Variants in PLSCR4 observed in about 807,000 individuals in gnomAD.
PLSCR4 encodes phospholipid scramblase 4.
In PLSCR4, 25 loss-of-function variants were observed where a neutral mutation model predicts 36.3. The ratio of observed to expected loss-of-function variants is 0.69; its 90% CI spans 0.50 to 0.96. The LOEUF (loss-of-function observed/expected upper bound fraction) is 0.96. Ranked by LOEUF, PLSCR4 falls within the 40% of genes least tolerant of loss-of-function variation. The pLI, the probability that PLSCR4 is intolerant of heterozygous loss-of-function variation, is 0.00. For missense variants in PLSCR4, 408 were observed against 414.7 expected (o/e 0.98, Z 0.14); for synonymous variants, 122 against 132.9 (o/e 0.92, Z 0.56).
chr3:146,227,543 C>T (rs566783712), intron 1 of PLSCR4, among the ~76,000 whole-genome samples: 14 of 152,290 alleles, frequency 9.2e-5, no homozygotes, highest in Admixed American at 2.0e-4. Flanking sequence ...CTCTCAGAAC[C>T]TGATAAAACC....
chr3:146,251,092 C>G lies in PLSCR4; in HGVS notation c.-154G>C, dbSNP rs887220030. 4.6e-5 allele frequency: 7 copies of G among 152,468 alleles called. No individual in the cohort carries two copies. 9.4% of individuals were successfully genotyped at this position (152,468 alleles called of 1,614,324 possible). ...TTTTTCAAGTTATAAACAAAGTAAG[C>G]GCGCGGAAGGGAGGGCTAGGCGCGG... On this transcript the variant is annotated 5_prime_UTR_variant, in exon 1 of 9. Transcript: ENST00000354952.
At chr3:146,231,949 G>GT (rs35226315) in intron 1 of PLSCR4, among the ~76,000 whole-genome samples, 117,585 of 152,076 alleles carry the variant, frequency 0.77, 46,615 homozygotes, top group Non-Finnish European at 0.86. Context: ...ATCCAGAATG[G>GT]TATGTCCTAG....
In PLSCR4 at chr3:146,196,749, C is replaced by A. The variant is rs149561579; in HGVS notation, c.669G>T (p.Ala223=). The A allele has an allele frequency of 6.2e-7, 1 of 1,613,750 alleles. No individual in the cohort carries two copies. Among genetic ancestry groups the A allele is most frequent in the African/African-American group, 1.3e-5 (1 of 74,896 alleles). ...CCGCCCTGCACAGGTTCCAATGTTCCGCAACAAAGCCAATGGTGACACCAG... is the reference window on the plus strand; with the variant it reads ...CCGCCCTGCACAGGTTCCAATGTTCAGCAACAAAGCCAATGGTGACACCAG... ...CPPGVTIGFV[A]EHWNLCRAVY... The change falls in exon 7 of 9, where the codon GCG becomes GCT. Residue 223 remains alanine, a synonymous_variant. Coordinates refer to ENST00000354952, the MANE Select transcript of PLSCR4 (RefSeq NM_020353.3).
rs867585512 is a variant in PLSCR4, at chr3:146,215,359, T to C, written c.118+5456A>G. Among the ~76,000 whole-genome samples the C allele has an allele frequency of 1.9e-4, 29 of 152,108 alleles. No homozygotes were observed. In the Middle Eastern group the frequency reaches 0.01, roughly 54 times the overall value. On this transcript the variant is annotated intron_variant, in intron 3 of 8. Transcript: ENST00000354952. ...ATTCACTATGTGTTATATTAGATTA[T>C]CATCAAGAATATTTGAAAGCCAATG... is the stretch of plus-strand genomic sequence containing the variant.
chr3:146,211,018 T>C (rs574804398), intron 3 of PLSCR4, among the ~76,000 whole-genome samples: 3 of 152,018 alleles, frequency 2.0e-5, no homozygotes, highest in African/African-American at 7.2e-5. Flanking sequence ...TGGGCTATTA[T>C]AAATAACACT....
At chr3:146,244,583 G>A (rs10935616) in intron 1 of PLSCR4, among the ~76,000 whole-genome samples, 116,124 of 151,790 alleles carry the variant, frequency 0.77, 45,517 homozygotes, top group Non-Finnish European at 0.86. Context: ...TATTATAATT[G>A]TTTTGGGACC....
At position 146,194,137 on chromosome 3, in the gene PLSCR4, A is replaced by G; in HGVS notation, c.*274T>C. The G allele has an allele frequency of 3.0e-6, 1 of 336,424 alleles. No homozygotes were observed. The highest frequency in any genetic ancestry group is 5.4e-6 in the Non-Finnish European group (1 of 186,326). The allele number at this position is 336,424 out of a possible 1,614,324, so 20.8% of individuals were successfully genotyped here. On this transcript the variant is annotated 3_prime_UTR_variant, in exon 9 of 9. Transcript: ENST00000354952. ...ATTCATTTTCCCTTATCTCATGTTT[A>G]TAGTGTTTTAAGCTTACTTTGTATA... is the stretch of plus-strand genomic sequence containing the variant.
chr3:146,195,286 G>A lies in PLSCR4; in HGVS notation c.787-4C>T. On this transcript the variant is annotated splice_polypyrimidine_tract_variant and splice_region_variant and intron_variant, in intron 7 of 8. Coordinates refer to ENST00000354952, the MANE Select transcript of PLSCR4 (RefSeq NM_020353.3). ...ATATGCCATCAAGGGATTTGACCTG[G>A]AATGACAAGAATGTGCCTTTATGAT... The A allele has an allele frequency of 6.2e-7, 1 of 1,610,470 alleles. No individual in the cohort carries two copies. The highest frequency in any genetic ancestry group is 8.5e-7 in the Non-Finnish European group (1 of 1,176,944).
rs1156770593 is a variant in PLSCR4 at position 146,214,413 on chromosome 3, G to A, written c.118+6402C>T. On this transcript the variant is annotated intron_variant, in intron 3 of 8. Transcript: ENST00000354952. ...GCTGGGATTACAGGCGTGAGCCACC[G>A]CGCCCGGCCCTCTTCCTTTTTTTTT... Among the ~76,000 whole-genome samples the A allele has an allele frequency of 5.3e-4, 5 of 9,502 alleles. 1 individual carries two copies. The highest frequency in any genetic ancestry group is 3.7e-3 in the Admixed American group (4 of 1,072). The allele number at this position is 9,502 out of a possible 152,430, so 6.2% of individuals were successfully genotyped here.
intron 8 of PLSCR4, 89 bp from the exon 9 acceptor site, chr3:146,194,544 C>G (rs2033609491): frequency 9.0e-6 from 7 of 781,016 alleles, no homozygotes; most frequent in Admixed American, 6.3e-5. Context: ...TTAGGGGATT[C>G]CCCCATTCCA....
At position 146,194,319 on chromosome 3, in the gene PLSCR4, T is replaced by A. The variant is rs1465416981; in HGVS notation, c.*92A>T. The A allele has an allele frequency of 1.2e-6, 1 of 853,294 alleles. No individual in the cohort carries two copies. Among genetic ancestry groups the A allele is most frequent in the Non-Finnish European group, 2.0e-6 (1 of 503,008 alleles). The allele number at this position is 853,294 out of a possible 1,614,324, so 52.9% of individuals were successfully genotyped here. A position where few individuals can be genotyped will look rare whatever the true frequency, so the allele number is the denominator to read the frequency against. ...AAAAATACTCTACAAAGCAAAGAAA[T>A]ACACTTGCAAATAACTGAGTGCTGA... On this transcript the variant is annotated 3_prime_UTR_variant, in exon 9 of 9. Transcript: ENST00000354952.
At position 146,220,513 on chromosome 3, in the gene PLSCR4, C is replaced by A. The variant is rs1230880450; in HGVS notation, c.118+302G>T. Among the ~76,000 whole-genome samples the A allele has an allele frequency of 2.6e-5, 4 of 152,232 alleles. No homozygotes were observed. In the East Asian group the frequency reaches 7.7e-4, roughly 29 times the overall value. Reference sequence around the variant, plus strand: ...CTTGACCTCCTTAGTCAGGGCTTTCCTCAAATCCCTGGCAATGTCAAATAC... The same window carrying A: ...CTTGACCTCCTTAGTCAGGGCTTTCATCAAATCCCTGGCAATGTCAAATAC... On this transcript the variant is annotated intron_variant, in intron 3 of 8. Coordinates refer to ENST00000354952, the MANE Select transcript of PLSCR4 (RefSeq NM_020353.3).
intron 2 of PLSCR4, 111 bp downstream of exon 2, chr3:146,221,954 T>G: frequency 2.0e-6 from 1 of 507,808 alleles, no homozygotes. Context: ...TATTTATATT[T>G]GCCAAATGTT....
chr3:146,245,633 G>A (rs2036308281), intron 1 of PLSCR4, among the ~76,000 whole-genome samples: 1 of 151,838 alleles, frequency 6.6e-6, no homozygotes, highest in Non-Finnish European at 1.5e-5. Flanking sequence ...ACATTCAAAT[G>A]TTAAACATAT....
intron 1 of PLSCR4, among the ~76,000 whole-genome samples, chr3:146,237,295 T>C (rs2035958419): frequency 6.6e-6 from 1 of 152,156 alleles, no homozygotes. Flanking sequence ...TACATACTTA[T>C]GTGCACATCA....
At chr3:146,214,568 C>T (rs1262929028) in intron 3 of PLSCR4, among the ~76,000 whole-genome samples, 1 of 151,548 alleles carries the variant, frequency 6.6e-6, no homozygotes, top group Non-Finnish European at 1.5e-5. Flanking sequence ...GTTTTTTTTG[C>T]CCCTAGTGTC....
chr3:146,207,295 G>C lies in PLSCR4; in HGVS notation c.119-534C>G, dbSNP rs182145132. Among the ~76,000 whole-genome samples, 252 of 151,996 alleles carry C rather than the reference G, an allele frequency of 1.7e-3. 2 individuals are homozygous for C. The highest frequency in any genetic ancestry group is 5.9e-3 in the African/African-American group (246 of 41,476). On this transcript the variant is annotated intron_variant, in intron 3 of 8. Coordinates refer to ENST00000354952, the MANE Select transcript of PLSCR4 (RefSeq NM_020353.3). Reference sequence around the variant, plus strand: ...ATCGCTTGTACATATCTTCATCATCGAGTTCTCAGACTGGTCCCCAATCCT... The same window carrying C: ...ATCGCTTGTACATATCTTCATCATCCAGTTCTCAGACTGGTCCCCAATCCT...
chr3:146,229,616 T>TATTC (rs1481622309), intron 1 of PLSCR4, among the ~76,000 whole-genome samples: 6 of 131,554 alleles, frequency 4.6e-5, no homozygotes, highest in African/African-American at 1.3e-4. Flanking sequence ...TTTATTTATT[T>TATTC]ATTTATTTAT....
intron 4 of PLSCR4, among the ~76,000 whole-genome samples, chr3:146,201,455 T>C (rs1486178714): frequency 6.6e-6 from 1 of 152,074 alleles, no homozygotes; most frequent in East Asian, 1.9e-4. Flanking sequence ...TGTAGTTGTT[T>C]AGTTAAGTTC....
Sources: gnomAD v4.1 joint callset for allele counts (sites outside exome capture counted in the v4.1 genomes callset) on GRCh38, gnomAD v4.1.1 for gene constraint, MANE v1.5 for transcripts, NCBI Gene and HGNC (gene_info 2026-07-23, HGNC 2026-07-21) for gene names.